The following YIPF4 variants were observed in gnomAD, a reference collection of about 807,000 sequenced individuals.
YIPF4 encodes protein YIPF4.
A neutral mutation model predicts 29.4 loss-of-function variants in YIPF4; 18 were observed. That is an observed-to-expected ratio of 0.61 (90% CI 0.42 to 0.91). The LOEUF (loss-of-function observed/expected upper bound fraction) is 0.91. Ranked by LOEUF, YIPF4 falls within the 40% of genes least tolerant of loss-of-function variation. The pLI, the probability that YIPF4 is intolerant of heterozygous loss-of-function variation, is 0.00. For synonymous variants in YIPF4, 115 were observed against 104.7 expected, an observed-to-expected ratio of 1.10 and a Z score of -0.60; for missense variants, 279 against 282.7, an observed-to-expected ratio of 0.99 and a Z score of 0.09.
intron 5 of YIPF4, among the ~76,000 whole-genome samples, chr2:32,305,031 AGGAAAAG>A (rs1026417838): frequency 1.6e-4 from 25 of 152,284 alleles, no homozygotes; most frequent in African/African-American, 5.8e-4. Context: ...CTTATTTAGA[AGGAAAAG>A]GAAAATTTCC....
intron 1 of YIPF4, among the ~76,000 whole-genome samples, chr2:32,282,582 G>A (rs1244049915): frequency 5.9e-5 from 9 of 151,942 alleles, no homozygotes; most frequent in African/African-American, 4.8e-5. Context: ...ACAGGCTCGC[G>A]CCACCACACC....
chr2:32,306,973 C>T lies in YIPF4; in HGVS notation c.*1347C>T, dbSNP rs1334594432. 1 of 493,046 alleles carries T rather than the reference C, an allele frequency of 2.0e-6. No homozygotes were observed. Among genetic ancestry groups the T allele is most frequent in the Non-Finnish European group, 3.3e-6 (1 of 305,470 alleles). 30.5% of individuals were successfully genotyped at this position (493,046 alleles called of 1,614,324 possible). On this transcript the variant is annotated 3_prime_UTR_variant, in exon 6 of 6. Coordinates refer to ENST00000238831, the MANE Select transcript of YIPF4 (RefSeq NM_032312.4). ...CTACAAATGAGTGTGTTATCAAGCC[C>T]AGCCGTCTTCCTTTCCCCTAATCCC... is the stretch of plus-strand genomic sequence containing the variant.
Position 32,311,340 on chromosome 2 carries a change from T to G in YIPF4, c.*5714T>G, listed in dbSNP as rs1460728719. 1 of 152,216 alleles carries G rather than the reference T, an allele frequency of 6.6e-6. No homozygotes were observed. The highest frequency in any genetic ancestry group is 1.5e-5 in the Non-Finnish European group (1 of 68,040). 9.4% of individuals were successfully genotyped at this position (152,216 alleles called of 1,614,324 possible). A position where few individuals can be genotyped will look rare whatever the true frequency, so the allele number is the denominator to read the frequency against. ...TTAAACATGAAATTTAGGATTAGTT[T>G]TCTCTTTGAAAATTCTTTTGATATG... On this transcript the variant is annotated 3_prime_UTR_variant, in exon 6 of 6. Transcript: ENST00000238831.
In YIPF4 at chr2:32,313,331, TC is replaced by T. The variant is rs2031755681; in HGVS notation, c.*7706del. On this transcript the variant is annotated 3_prime_UTR_variant, in exon 6 of 6. Transcript: ENST00000238831. ...TGGTTAATGAAATTGAACAGGTATG[TC>T]AGCACCATACCTGACATTCTAGGCC... is the stretch of plus-strand genomic sequence containing the variant. 6.6e-6 allele frequency: 1 copy of T among 152,166 alleles called. No homozygotes were observed. The allele number at this position is 152,166 out of a possible 1,614,324, so 9.4% of individuals were successfully genotyped here.
intron 3 of YIPF4, among the ~76,000 whole-genome samples, chr2:32,297,045 T>C (rs935058057): frequency 5.9e-5 from 9 of 152,180 alleles, no homozygotes; most frequent in Admixed American, 3.9e-4. Context: ...TTTTGAGTAC[T>C]TCCTTTCCTT....
In YIPF4 at chr2:32,305,796, A is replaced by C. The variant is rs957095039; in HGVS notation, c.*170A>C. The C allele has an allele frequency of 4.1e-6, 5 of 1,233,494 alleles. No homozygotes were observed. In the African/African-American group the frequency reaches 7.8e-5, roughly 19 times the overall value. The allele number at this position is 1,233,494 out of a possible 1,614,324, so 76.4% of individuals were successfully genotyped here. ...ATTTTTTTTTGTATTTAATTAAGCA[A>C]TTGCAGTTATCTGGGATTTTTGGGT... On this transcript the variant is annotated 3_prime_UTR_variant, in exon 6 of 6. Transcript: ENST00000238831.
Position 32,305,658 on chromosome 2 carries a change from G to A in YIPF4, c.*32G>A. The A allele has an allele frequency of 6.8e-7, 1 of 1,471,706 alleles. No individual in the cohort carries two copies. Among genetic ancestry groups the A allele is most frequent in the Non-Finnish European group, 9.0e-7 (1 of 1,110,182 alleles). 91.2% of individuals were successfully genotyped at this position (1,471,706 alleles called of 1,614,324 possible). A position where few individuals can be genotyped will look rare whatever the true frequency, so the allele number is the denominator to read the frequency against. On this transcript the variant is annotated 3_prime_UTR_variant, in exon 6 of 6. Coordinates refer to ENST00000238831, the MANE Select transcript of YIPF4 (RefSeq NM_032312.4). ...TTATACATGAATAGAAAAAGATGGTGTTAAATTTGTGTGTAGGCTGGGAAT... is the reference window on the plus strand; with the variant it reads ...TTATACATGAATAGAAAAAGATGGTATTAAATTTGTGTGTAGGCTGGGAAT...
intron 1 of YIPF4, among the ~76,000 whole-genome samples, chr2:32,281,914 A>AAATT (rs58034160): frequency 0.019 from 2,752 of 145,476 alleles, 71 homozygotes; most frequent in African/African-American, 0.038. Context: ...AAAAAAAAAA[A>AAATT]AGGCAACCAT....
intron 2 of YIPF4, among the ~76,000 whole-genome samples, chr2:32,291,872 T>A (rs1352282602): frequency 2.6e-5 from 4 of 152,208 alleles, no homozygotes; most frequent in Admixed American, 6.5e-5. Flanking sequence ...ACTTAAAGTT[T>A]TCTTAAATTG....
Position 32,299,333 on chromosome 2 carries a change from T to A in YIPF4, c.483+1022T>A, listed in dbSNP as rs146232367. ...TAGAAGAGTAGCATTATTTTACATT[T>A]TTGTAAGTAGCTTTAATATCTGGCT... On this transcript the variant is annotated intron_variant, in intron 4 of 5. Coordinates refer to ENST00000238831, the MANE Select transcript of YIPF4 (RefSeq NM_032312.4). Among the ~76,000 whole-genome samples, 275 of 152,306 alleles carry A rather than the reference T, an allele frequency of 1.8e-3. 1 individual carries two copies. Among genetic ancestry groups the A allele is most frequent in the African/African-American group, 6.3e-3 (262 of 41,566 alleles).
In YIPF4 at chr2:32,278,126, C is replaced by T. The variant is rs1422809272; in HGVS notation, c.-30C>T. On this transcript the variant is annotated 5_prime_UTR_variant, in exon 1 of 6. Coordinates refer to ENST00000238831, the MANE Select transcript of YIPF4 (RefSeq NM_032312.4). ...GGTCTGGGCCCAGCCGCAGCCTCTT[C>T]TACCGCGGCCGGTTGGGAGTCGCCG... is the stretch of plus-strand genomic sequence containing the variant. 6.5e-7 allele frequency: 1 copy of T among 1,541,248 alleles called. No homozygotes were observed. Among genetic ancestry groups the T allele is most frequent in the Non-Finnish European group, 8.7e-7 (1 of 1,143,524 alleles).
chr2:32,281,085 T>C (rs2030387042), intron 1 of YIPF4, among the ~76,000 whole-genome samples: 1 of 152,168 alleles, frequency 6.6e-6, no homozygotes, highest in Admixed American at 6.5e-5. Context: ...TAAGTAAAAA[T>C]CCATGAAGTT....
Position 32,278,298 on chromosome 2 carries a change from T to G in YIPF4, c.79+64T>G, listed in dbSNP as rs565934515. On this transcript the variant is annotated intron_variant, in intron 1 of 5. Transcript: ENST00000238831. ...AGCCAGGGCCCGACGCCGTAGGGTC[T>G]TTCTGGTGCCGAGGTGGTCGTGGCC... 522 of 1,465,886 alleles carry G rather than the reference T, an allele frequency of 3.6e-4. 3 individuals are homozygous for G. The Middle Eastern group carries it at 8.5e-3, about 24-fold the overall frequency. The allele number at this position is 1,465,886 out of a possible 1,614,324, so 90.8% of individuals were successfully genotyped here. A position where few individuals can be genotyped will look rare whatever the true frequency, so the allele number is the denominator to read the frequency against.
rs543201583 is a variant in YIPF4 at position 32,310,988 on chromosome 2, T to G, written c.*5362T>G. The G allele has an allele frequency of 6.6e-6, 1 of 152,306 alleles. No homozygotes were observed. The highest frequency in any genetic ancestry group is 2.4e-5 in the African/African-American group (1 of 41,572). 9.4% of individuals were successfully genotyped at this position (152,306 alleles called of 1,614,324 possible). Reference sequence around the variant, plus strand: ...GCAGCATTTTGTGTGTTTGAGAATCTCTTGACACTCTTCAAGTAAATCCCT... The same window carrying G: ...GCAGCATTTTGTGTGTTTGAGAATCGCTTGACACTCTTCAAGTAAATCCCT... On this transcript the variant is annotated 3_prime_UTR_variant, in exon 6 of 6. Transcript: ENST00000238831.
rs2031667592 is a variant in YIPF4, at chr2:32,309,360, C to T, written c.*3734C>T. On this transcript the variant is annotated 3_prime_UTR_variant, in exon 6 of 6. Coordinates refer to ENST00000238831, the MANE Select transcript of YIPF4 (RefSeq NM_032312.4). ...CAACCACTGTATTTCTGCACATATT[C>T]CAAAATCTGAAAAAGTCTGAAACCT... The T allele has an allele frequency of 6.6e-6, 1 of 152,046 alleles. No homozygotes were observed. The highest frequency in any genetic ancestry group is 2.1e-4 in the South Asian group (1 of 4,830). 9.4% of individuals were successfully genotyped at this position (152,046 alleles called of 1,614,324 possible). A position where few individuals can be genotyped will look rare whatever the true frequency, so the allele number is the denominator to read the frequency against.
rs1573551460 is a variant in YIPF4, at chr2:32,316,395, CGTT to C, written c.*10771_*10773del. 6.6e-6 allele frequency: 1 copy of C among 152,146 alleles called. No homozygotes were observed. The highest frequency in any genetic ancestry group is 2.4e-5 in the African/African-American group (1 of 41,442). 9.4% of individuals were successfully genotyped at this position (152,146 alleles called of 1,614,324 possible). A position where few individuals can be genotyped will look rare whatever the true frequency, so the allele number is the denominator to read the frequency against. On this transcript the variant is annotated 3_prime_UTR_variant, in exon 6 of 6. Coordinates refer to ENST00000238831, the MANE Select transcript of YIPF4 (RefSeq NM_032312.4). Reference sequence around the variant, plus strand: ...TTCATGATTAAATGTGAATTAACAACGTTGGCCTCTCGGATTCCCAAAACTTTA... The same window carrying C: ...TTCATGATTAAATGTGAATTAACAACGGCCTCTCGGATTCCCAAAACTTTA...
intron 3 of YIPF4, among the ~76,000 whole-genome samples, chr2:32,292,600 C>T (rs1399574842): frequency 5.3e-5 from 8 of 151,996 alleles, no homozygotes; most frequent in Admixed American, 2.6e-4. Flanking sequence ...TGGTGGCTCA[C>T]GCCTGTAATC....
intron 1 of YIPF4, among the ~76,000 whole-genome samples, chr2:32,278,978 C>A (rs12475227): frequency 0.088 from 13,022 of 147,188 alleles, 776 homozygotes; most frequent in Non-Finnish European, 0.12. Flanking sequence ...TAGTCATTTT[C>A]AATTTTTTTT....
chr2:32,298,998 C>A (rs896660302), intron 4 of YIPF4, among the ~76,000 whole-genome samples: 3 of 152,040 alleles, frequency 2.0e-5, no homozygotes, highest in Non-Finnish European at 2.9e-5. Flanking sequence ...CTGCCTTAGC[C>A]TCCCGAGTAG....
Sources: allele counts gnomAD v4.1 joint callset (sites outside exome capture counted in the v4.1 genomes callset), GRCh38; gene constraint gnomAD v4.1.1; transcripts MANE v1.5; gene names NCBI Gene and HGNC (gene_info 2026-07-23, HGNC 2026-07-21).